The following PPP1R1C variants were observed in gnomAD, a reference collection of about 807,000 sequenced individuals.
PPP1R1C encodes protein phosphatase 1 regulatory inhibitor subunit 1C, also known as protein phosphatase 1 regulatory subunit 1C.
Under a neutral mutation model 17.4 loss-of-function variants are expected in PPP1R1C, and 15 were observed. That is an observed-to-expected ratio of 0.86 (90% CI 0.58 to 1.33). The LOEUF (loss-of-function observed/expected upper bound fraction) is 1.33. PPP1R1C is among the 40% of genes most tolerant of loss of function. PPP1R1C has a pLI of 0.00. For missense variants in PPP1R1C, 143 were observed against 130.0 expected, an observed-to-expected ratio of 1.10 and a Z score of -0.48; for synonymous variants, 35 against 43.1, an observed-to-expected ratio of 0.81 and a Z score of 0.73.
intron 2 of PPP1R1C, among the ~76,000 whole-genome samples, chr2:182,022,786 C>G (rs994760240): frequency 1.3e-5 from 2 of 152,132 alleles, no homozygotes; most frequent in Admixed American, 6.5e-5. Context: ...AAGTGTATCT[C>G]CCTTATAAAT....
chr2:182,105,152 T>A (rs528028131), intron 4 of PPP1R1C, among the ~76,000 whole-genome samples: 40 of 152,172 alleles, frequency 2.6e-4, no homozygotes, highest in Admixed American at 7.2e-4. Flanking sequence ...ATTAGTAGAT[T>A]TGGCCAGGCT....
intron 4 of PPP1R1C, among the ~76,000 whole-genome samples, chr2:182,086,001 G>T (rs935557263): frequency 2.0e-5 from 3 of 151,950 alleles, no homozygotes; most frequent in African/African-American, 7.3e-5. Context: ...ATACTAATCA[G>T]ATATTAGATC....
intron 2 of PPP1R1C, among the ~76,000 whole-genome samples, chr2:182,011,344 T>C (rs1021674099): frequency 6.6e-6 from 1 of 152,078 alleles, no homozygotes; most frequent in African/African-American, 2.4e-5. Flanking sequence ...TCTATTTTGA[T>C]AGGTTGTATG....
At chr2:182,032,075 A>T (rs560167773) in intron 2 of PPP1R1C, among the ~76,000 whole-genome samples, 1 of 152,220 alleles carries the variant, frequency 6.6e-6, no homozygotes, top group East Asian at 1.9e-4. Context: ...TTTCCTAAAC[A>T]TTTAAATTTG....
At chr2:182,070,951 C>A (rs1034540873) in intron 4 of PPP1R1C, among the ~76,000 whole-genome samples, 1 of 152,132 alleles carries the variant, frequency 6.6e-6, no homozygotes, top group African/African-American at 2.4e-5. Flanking sequence ...CCCTCACACA[C>A]TATCAGGAGA....
intron 2 of PPP1R1C, among the ~76,000 whole-genome samples, chr2:182,041,324 C>T (rs887176573): frequency 2.6e-5 from 4 of 152,082 alleles, no homozygotes; most frequent in African/African-American, 2.4e-5. Context: ...AAAAATTGTT[C>T]CAGGCCTGGC....
chr2:182,124,094 C>T (rs1216606656), intron 5 of PPP1R1C, among the ~76,000 whole-genome samples: 2 of 152,148 alleles, frequency 1.3e-5, no homozygotes, highest in African/African-American at 4.8e-5. Context: ...TTCCCCAACA[C>T]CATTTATTAA....
chr2:182,065,648 G>T (rs1211678535), intron 4 of PPP1R1C, among the ~76,000 whole-genome samples: 1 of 152,068 alleles, frequency 6.6e-6, no homozygotes, highest in African/African-American at 2.4e-5. Context: ...TTGAGCCCAG[G>T]AGTTGGAGGC....
chr2:181,968,363 T>C (rs2125132829), intron 1 of PPP1R1C, among the ~76,000 whole-genome samples: 1 of 152,354 alleles, frequency 6.6e-6, no homozygotes, highest in African/African-American at 2.4e-5. Flanking sequence ...TTGCTTTACA[T>C]ATCTGGATAC....
chr2:182,028,598 CT>C (rs919936707), intron 2 of PPP1R1C, among the ~76,000 whole-genome samples: 8 of 152,028 alleles, frequency 5.3e-5, no homozygotes, highest in Non-Finnish European at 7.4e-5. Context: ...AATCTCTGTT[CT>C]TTTACATTTG....
chr2:182,071,540 T>C (rs972671939), intron 4 of PPP1R1C, among the ~76,000 whole-genome samples: 36 of 152,218 alleles, frequency 2.4e-4, no homozygotes, highest in African/African-American at 8.2e-4. Flanking sequence ...ATCCTTTTTT[T>C]ACTCCGTTTC....
intron 4 of PPP1R1C, among the ~76,000 whole-genome samples, chr2:182,106,604 C>A (rs189885956): frequency 6.6e-6 from 1 of 152,300 alleles, no homozygotes; most frequent in East Asian, 1.9e-4. Flanking sequence ...ATTCTCCAAG[C>A]CCATATGTGA....
intron 2 of PPP1R1C, among the ~76,000 whole-genome samples, chr2:182,042,966 C>T (rs1305046734): frequency 2.6e-5 from 4 of 152,192 alleles, no homozygotes; most frequent in Admixed American, 2.6e-4. Context: ...CCTTAAAAAA[C>T]TTGAACAACA....
chr2:182,010,165 A>G (rs1161025019), intron 2 of PPP1R1C, among the ~76,000 whole-genome samples: 7 of 151,550 alleles, frequency 4.6e-5, no homozygotes, highest in Non-Finnish European at 1.0e-4. Context: ...GAAAAGTGTC[A>G]TTGGTATTTT....
At chr2:181,964,444 GT>G (rs2125131659) in intron 1 of PPP1R1C, among the ~76,000 whole-genome samples, 1 of 152,248 alleles carries the variant, frequency 6.6e-6, no homozygotes, top group African/African-American at 2.4e-5. Context: ...GCATATATCT[GT>G]TCAATTTACT....
chr2:182,121,544 G>A (rs1689733141), downstream of PPP1R1C, among the ~76,000 whole-genome samples: 1 of 151,992 alleles, frequency 6.6e-6, no homozygotes, highest in Admixed American at 6.6e-5. Flanking sequence ...CTGGAGTACA[G>A]TGGCACCATC....
At chr2:182,034,085 A>G (rs1686927794) in intron 2 of PPP1R1C, among the ~76,000 whole-genome samples, 1 of 152,228 alleles carries the variant, frequency 6.6e-6, no homozygotes, top group Non-Finnish European at 1.5e-5. Context: ...TGAGCACACC[A>G]TAATACATTT....
chr2:181,963,306 A>G (rs2125131284), intron 1 of PPP1R1C, among the ~76,000 whole-genome samples: 1 of 152,328 alleles, frequency 6.6e-6, no homozygotes, highest in Non-Finnish European at 1.5e-5. Context: ...ACATTTAAAC[A>G]TACCCTAATA....
chr2:181,967,083 T>C lies in PPP1R1C; in HGVS notation n.112-8136T>C. ...ATTTTTTCTAGGTTTTCCAATTTATTGGCATATGGTTGCTCATAGTGGTCT... is the reference window on the plus strand; with the variant it reads ...ATTTTTTCTAGGTTTTCCAATTTATCGGCATATGGTTGCTCATAGTGGTCT... On this transcript the variant is annotated intron_variant and non_coding_transcript_variant, in intron 1 of 5. Coordinates refer to the PPP1R1C transcript ENST00000464264. The surrounding 1 kb of genome is among the most constrained non-coding windows in gnomAD (Gnocchi z 5.5). Among the ~76,000 whole-genome samples the C allele has an allele frequency of 6.6e-6, 1 of 152,192 alleles. No homozygotes were observed. The highest frequency in any genetic ancestry group is 1.5e-5 in the Non-Finnish European group (1 of 68,024).
Sources: gnomAD v4.1 joint callset for allele counts (sites outside exome capture counted in the v4.1 genomes callset) on GRCh38, gnomAD v4.1.1 for gene constraint, Gnocchi (gnomAD v3.1) non-coding constraint, MANE v1.5 for transcripts, NCBI Gene and HGNC (gene_info 2026-07-23, HGNC 2026-07-21) for gene names.